The following TTC7B variants were observed in gnomAD, a reference collection of about 807,000 sequenced individuals.
The protein encoded by TTC7B is tetratricopeptide repeat domain 7B.
TTC7B carries 28 observed loss-of-function variants against 106.8 expected under a neutral mutation model. That is an observed-to-expected ratio of 0.26 (90% CI 0.19 to 0.36). The LOEUF (loss-of-function observed/expected upper bound fraction) is 0.36. Ranked by LOEUF, TTC7B falls within the 10% of genes least tolerant of loss-of-function variation. TTC7B has a pLI of 1.00. For synonymous variants in TTC7B, 405 were observed against 430.6 expected (o/e 0.94, Z 0.74); for missense variants, 862 against 1,076.4 (o/e 0.80, Z 2.79).
chr14:90,587,525 C>T (rs561397554), intron 18 of TTC7B, among the ~76,000 whole-genome samples: 1 of 152,192 alleles, frequency 6.6e-6, no homozygotes, highest in Admixed American at 6.5e-5. Context: ...CTAGTCACTG[C>T]TGAGGTCACT....
intron 5 of TTC7B, among the ~76,000 whole-genome samples, chr14:90,709,059 G>A (rs1378238986): frequency 2.5e-3 from 334 of 134,754 alleles, no homozygotes; most frequent in South Asian, 7.2e-3. Context: ...AGGATGTGGA[G>A]AAATAGGAAC....
rs2031188899 is a variant in TTC7B at position 90,816,323 on chromosome 14, C to T, written c.-28G>A. 11 of 1,012,826 alleles carry T rather than the reference C, an allele frequency of 1.1e-5. No individual in the cohort carries two copies. The highest frequency in any genetic ancestry group is 5.2e-5 in the Admixed American group (1 of 19,338). The allele number at this position is 1,012,826 out of a possible 1,614,324, so 62.7% of individuals were successfully genotyped here. A position where few individuals can be genotyped will look rare whatever the true frequency, so the allele number is the denominator to read the frequency against. On this transcript the variant is annotated 5_prime_UTR_variant, in exon 1 of 20. Coordinates refer to ENST00000328459, the MANE Select transcript of TTC7B (RefSeq NM_001010854.2). ...CGGCCTGGCCGGGCCCGGCCGCCCG[C>T]CCCGCAGGCCCCACCGCCGCCGCCG...
At chr14:90,654,284 A>G (rs1428313388) in intron 12 of TTC7B, among the ~76,000 whole-genome samples, 1 of 152,216 alleles carries the variant, frequency 6.6e-6, no homozygotes, top group Non-Finnish European at 1.5e-5. Context: ...AAAATTCATT[A>G]AATTAACCAT....
chr14:90,688,160 C>A (rs535502144), intron 7 of TTC7B, among the ~76,000 whole-genome samples: 2 of 152,326 alleles, frequency 1.3e-5, no homozygotes, highest in South Asian at 4.1e-4. Flanking sequence ...TTCCTTCACA[C>A]AGAGATTCTG....
chr14:90,619,701 C>T (rs1893232152), intron 15 of TTC7B, among the ~76,000 whole-genome samples: 1 of 152,190 alleles, frequency 6.6e-6, no homozygotes, highest in African/African-American at 2.4e-5. Flanking sequence ...CACTCTTCAA[C>T]AGATATGGAA....
chr14:90,694,893 AC>A (rs1887641775), intron 6 of TTC7B, among the ~76,000 whole-genome samples: 1 of 31,006 alleles, frequency 3.2e-5, no homozygotes, highest in Non-Finnish European at 7.1e-5. Context: ...TATATTTATA[AC>A]ACATATATGT....
rs1445679953 is a variant in TTC7B, at chr14:90,541,528, A to G, written c.2372T>C (p.Val791Ala). ...SLAEKILRDA[V>A]QVNSTAHEVW... ...CTCGTGGGCTGTCGAGTTCACCTGCACCGCGTCCCGGAGGATCTTCTCCGC... is the reference window on the plus strand; with the variant it reads ...CTCGTGGGCTGTCGAGTTCACCTGCGCCGCGTCCCGGAGGATCTTCTCCGC... Residue 791 changes from valine (V) to alanine (A), a missense_variant, in exon 20 of 20, where the codon GTG (valine) becomes GCG (alanine). Transcript: ENST00000328459. 1.9e-6 allele frequency: 3 copies of G among 1,613,178 alleles called. No homozygotes were observed. The highest frequency in any genetic ancestry group is 2.7e-5 in the African/African-American group (2 of 74,920).
At chr14:90,545,870 G>C (rs987124649) in intron 19 of TTC7B, among the ~76,000 whole-genome samples, 1 of 152,176 alleles carries the variant, frequency 6.6e-6, no homozygotes, top group Non-Finnish European at 1.5e-5. Context: ...GGTGTTCTAG[G>C]GTTCTTGCTG....
intron 17 of TTC7B, among the ~76,000 whole-genome samples, chr14:90,596,025 A>T (rs1430199078): frequency 6.6e-6 from 1 of 152,160 alleles, no homozygotes; most frequent in African/African-American, 2.4e-5. Context: ...TGGTCTCAGA[A>T]TCTCTTCAGA....
intron 18 of TTC7B, among the ~76,000 whole-genome samples, chr14:90,583,145 C>T (rs905875320): frequency 6.6e-6 from 1 of 152,224 alleles, no homozygotes; most frequent in African/African-American, 2.4e-5. Flanking sequence ...ATCTGCCTCC[C>T]TCATCTTCAC....
At chr14:90,547,799 CTTTTGGGAGA>C (rs747246883) in intron 19 of TTC7B, among the ~76,000 whole-genome samples, 15 of 152,002 alleles carry the variant, frequency 9.9e-5, no homozygotes, top group Non-Finnish European at 2.1e-4. Context: ...AAAAAAAGCT[CTTTTGGGAGA>C]TTTTGGACAT....
At chr14:90,766,514 C>T (rs947181699) in intron 3 of TTC7B, 3 of 729,580 alleles carry the variant, frequency 4.1e-6, no homozygotes, top group East Asian at 2.4e-5. Context: ...CTACGTGCCA[C>T]CTCTTGTACT....
chr14:90,813,006 CT>C (rs1412618334), intron 1 of TTC7B, among the ~76,000 whole-genome samples: 1 of 152,134 alleles, frequency 6.6e-6, no homozygotes, highest in Non-Finnish European at 1.5e-5. Flanking sequence ...AGGGATTCCT[CT>C]GCTCAGAACT....
At chr14:90,750,865 T>C (rs1004674437) in intron 3 of TTC7B, among the ~76,000 whole-genome samples, 1 of 152,242 alleles carries the variant, frequency 6.6e-6, no homozygotes, top group Non-Finnish European at 1.5e-5. Flanking sequence ...TTTGTGCCTA[T>C]GCAGCTCAGT....
intron 5 of TTC7B, among the ~76,000 whole-genome samples, chr14:90,715,437 C>G (rs1460791611): frequency 1.3e-5 from 2 of 152,014 alleles, no homozygotes; most frequent in Non-Finnish European, 2.9e-5. Context: ...TCTATGGGAG[C>G]TGGAAACCCT....
chr14:90,710,077 C>T (rs898898928), intron 5 of TTC7B, among the ~76,000 whole-genome samples: 1 of 108,536 alleles, frequency 9.2e-6, no homozygotes, highest in Non-Finnish European at 2.0e-5. Flanking sequence ...AAAAAGAAAA[C>T]CTCTGGAAAG....
At position 90,655,510 on chromosome 14, in the gene TTC7B, C is replaced by A. The variant is rs192896234; in HGVS notation, c.1342-400G>T. On this transcript the variant is annotated intron_variant, in intron 11 of 19. Transcript: ENST00000328459. The stretch of plus-strand genomic sequence containing the variant: ...TTATGTTTGAGCCTTTCTTTCCCCC[C>A]CTACCCAGGATATAAAGAATCCATT... 7.2e-5 allele frequency among the ~76,000 whole-genome samples: 11 copies of A among 152,320 alleles called. No homozygotes were observed. The South Asian group carries it at 1.2e-3, about 17-fold the overall frequency.
At chr14:90,580,505 TG>T (rs1891444429) in intron 18 of TTC7B, among the ~76,000 whole-genome samples, 1 of 152,120 alleles carries the variant, frequency 6.6e-6, no homozygotes, top group South Asian at 2.1e-4. Context: ...GCATCTCCTC[TG>T]GCCCAGGGTG....
chr14:90,728,907 CT>C (rs1889217202), intron 5 of TTC7B, among the ~76,000 whole-genome samples: 1 of 152,244 alleles, frequency 6.6e-6, no homozygotes, highest in Admixed American at 6.5e-5. Context: ...TCCATGTTCC[CT>C]CTCTTCTCCT....
Sources: gnomAD v4.1 joint callset for allele counts (sites outside exome capture counted in the v4.1 genomes callset) on GRCh38, gnomAD v4.1.1 for gene constraint, MANE v1.5 for transcripts, NCBI Gene and HGNC (gene_info 2026-07-23, HGNC 2026-07-21) for gene names.